Variants in LRRC3B observed in about 807,000 individuals in gnomAD.
LRRC3B encodes the protein leucine-rich repeat-containing protein 3B.
LRRC3B carries 2 observed loss-of-function variants against 12.8 expected under a neutral mutation model. The ratio of observed to expected loss-of-function variants is 0.16; its 90% CI spans 0.06 to 0.49. The LOEUF (loss-of-function observed/expected upper bound fraction) is 0.49, where lower values mean the gene tolerates loss of function less well. Ranked by LOEUF, LRRC3B falls within the 20% of genes least tolerant of loss-of-function variation. The pLI is 0.96. For missense variants in LRRC3B, 189 were observed against 319.4 expected, an observed-to-expected ratio of 0.59 and a Z score of 3.11; for synonymous variants, 132 against 122.0, an observed-to-expected ratio of 1.08 and a Z score of -0.54.
At chr3:26,678,761 T>C (rs1453893421) in intron 1 of LRRC3B, among the ~76,000 whole-genome samples, 1 of 152,188 alleles carries the variant, frequency 6.6e-6, no homozygotes, top group African/African-American at 2.4e-5. Context: ...ACCCAATTCA[T>C]ATTCTGTTGA....
intron 1 of LRRC3B, among the ~76,000 whole-genome samples, chr3:26,678,841 T>C (rs921846156): frequency 6.6e-6 from 1 of 152,102 alleles, no homozygotes; most frequent in Non-Finnish European, 1.5e-5. Context: ...TTATGAGTTG[T>C]TTCATAAGTG....
At chr3:26,692,208 C>T (rs1245608439) in intron 1 of LRRC3B, among the ~76,000 whole-genome samples, 2 of 152,188 alleles carry the variant, frequency 1.3e-5, no homozygotes, top group Non-Finnish European at 2.9e-5. Context: ...GAAATAAGTA[C>T]TGCGGTTACA....
chr3:26,683,285 C>T (rs1700007874), intron 1 of LRRC3B, among the ~76,000 whole-genome samples: 1 of 152,212 alleles, frequency 6.6e-6, no homozygotes, highest in South Asian at 2.1e-4. Context: ...TATAGGACCA[C>T]TTTACTACAC....
intron 1 of LRRC3B, among the ~76,000 whole-genome samples, chr3:26,683,915 T>A (rs1700021625): frequency 6.6e-6 from 1 of 152,200 alleles, no homozygotes; most frequent in African/African-American, 2.4e-5. Flanking sequence ...GCTCTTTGGG[T>A]TCCTTTTTGA....
At position 26,706,373 on chromosome 3, in the gene LRRC3B, G is replaced by A. The variant is rs181247414; in HGVS notation, c.-160-3140G>A. Among the ~76,000 whole-genome samples, 379 of 152,232 alleles carry A rather than the reference G, an allele frequency of 2.5e-3. 2 individuals carry two copies. Among genetic ancestry groups the A allele is most frequent in the African/African-American group, 8.6e-3 (358 of 41,536 alleles). The stretch of plus-strand genomic sequence containing the variant: ...CCTGCATCTTTTGTCACTTTATTCT[G>A]GCTGGGGGTGATGGCTCTAGAGGCT... On this transcript the variant is annotated intron_variant, in intron 1 of 1. Transcript: ENST00000396641.
chr3:26,676,393 G>T (rs1575151889), intron 1 of LRRC3B, among the ~76,000 whole-genome samples: 1 of 151,640 alleles, frequency 6.6e-6, no homozygotes, highest in Non-Finnish European at 1.5e-5. Context: ...CTTCATCCGT[G>T]TCCCTACAAA....
intron 1 of LRRC3B, among the ~76,000 whole-genome samples, chr3:26,662,198 T>G (rs79965400): frequency 0.032 from 4,863 of 152,248 alleles, 123 homozygotes; most frequent in South Asian, 0.048. Context: ...CCTATCTTAT[T>G]TTTTCCTAGA....
intron 1 of LRRC3B, chr3:26,694,679 A>T (rs1200540234): frequency 2.6e-5 from 4 of 152,196 alleles, no homozygotes; most frequent in Non-Finnish European, 4.4e-5. Flanking sequence ...ATGAAAGTTG[A>T]ACTTGATTTT....
At chr3:26,646,594 G>A (rs1699149482) in intron 1 of LRRC3B, among the ~76,000 whole-genome samples, 1 of 91,332 alleles carries the variant, frequency 1.1e-5, no homozygotes, top group Non-Finnish European at 2.0e-5. Context: ...CTAAGGATAG[G>A]AGGTAAAAAA....
At chr3:26,677,075 A>C (rs187210648) in intron 1 of LRRC3B, among the ~76,000 whole-genome samples, 1 of 152,300 alleles carries the variant, frequency 6.6e-6, no homozygotes, top group Admixed American at 6.5e-5. Flanking sequence ...TCCATCAGTC[A>C]TGAGTCAAGA....
intron 1 of LRRC3B, among the ~76,000 whole-genome samples, chr3:26,708,826 T>C (rs1316190079): frequency 6.6e-6 from 1 of 152,172 alleles, no homozygotes; most frequent in African/African-American, 2.4e-5. Context: ...TAAGCATTTA[T>C]TGGGAAGGGG....
At position 26,671,226 on chromosome 3, in the gene LRRC3B, G is replaced by A. The variant is rs1420058300; in HGVS notation, c.-160-38287G>A. On this transcript the variant is annotated intron_variant, in intron 1 of 1. Transcript: ENST00000396641. ...GAGACGGGGTTTCACCGTTTTAGCC[G>A]GGATGGTCTCGATCTCCTGACCTCG... Among the ~76,000 whole-genome samples the A allele has an allele frequency of 6.3e-5, 9 of 143,768 alleles. No homozygotes were observed. In the East Asian group the frequency reaches 6.3e-4, roughly 10 times the overall value. 94.3% of individuals were successfully genotyped at this position (143,768 alleles called of 152,430 possible). A position where few individuals can be genotyped will look rare whatever the true frequency, so the allele number is the denominator to read the frequency against.
chr3:26,636,960 TTCTTTCTTTCTTTCTC>T (rs1559350399), intron 1 of LRRC3B, among the ~76,000 whole-genome samples: 28 of 122,048 alleles, frequency 2.3e-4, no homozygotes, highest in Non-Finnish European at 3.9e-4. Flanking sequence ...CTTTCTTTCT[TTCTTTCTTTCTTTCTC>T]TCTCTCTCTT....
At chr3:26,686,501 T>G (rs1380273348) in intron 1 of LRRC3B, among the ~76,000 whole-genome samples, 1 of 152,240 alleles carries the variant, frequency 6.6e-6, no homozygotes, top group Non-Finnish European at 1.5e-5. Flanking sequence ...CATAGCCTTT[T>G]TCTCTCCTGC....
chr3:26,654,647 G>A (rs1312845236), intron 1 of LRRC3B, among the ~76,000 whole-genome samples: 1 of 152,210 alleles, frequency 6.6e-6, no homozygotes, highest in East Asian at 1.9e-4. Flanking sequence ...GTGGGACAGT[G>A]CAAAGTTCTT....
At chr3:26,636,856 C>CCCTT (rs1698889512) in intron 1 of LRRC3B, among the ~76,000 whole-genome samples, 3 of 94,572 alleles carry the variant, frequency 3.2e-5, no homozygotes, top group Non-Finnish European at 5.9e-5. Context: ...CTCCCTCCCT[C>CCCTT]CCTCCCTCCC....
At chr3:26,650,728 C>A (rs1699247792) in intron 1 of LRRC3B, among the ~76,000 whole-genome samples, 1 of 151,944 alleles carries the variant, frequency 6.6e-6, no homozygotes, top group Non-Finnish European at 1.5e-5. Flanking sequence ...ATTATTATTG[C>A]TGTTATTATT....
chr3:26,703,182 T>C (rs1700500555), intron 1 of LRRC3B, among the ~76,000 whole-genome samples: 1 of 152,168 alleles, frequency 6.6e-6, no homozygotes, highest in Admixed American at 6.5e-5. Context: ...ATTAGACATA[T>C]TGATGGTTTA....
In LRRC3B at chr3:26,635,742, T is replaced by C. The variant is rs370059217; in HGVS notation, c.-161+12505T>C. Among the ~76,000 whole-genome samples, 63 of 152,286 alleles carry C rather than the reference T, an allele frequency of 4.1e-4. 1 individual carries two copies. In the South Asian group the frequency reaches 4.1e-3, roughly 10 times the overall value. On this transcript the variant is annotated intron_variant, in intron 1 of 1. Coordinates refer to ENST00000396641, the Ensembl canonical transcript of LRRC3B. ...CATCTAGTCACCTTGTAAGCATCTC[T>C]TGGGATAAAAATGGACCTCGCTTTT...
Sources: allele counts gnomAD v4.1 joint callset (sites outside exome capture counted in the v4.1 genomes callset), GRCh38; gene constraint gnomAD v4.1.1; transcripts MANE v1.5; gene names NCBI Gene and HGNC (gene_info 2026-07-23, HGNC 2026-07-21).